Variants in FMNL2 observed in about 807,000 individuals in gnomAD.
The protein encoded by FMNL2 is formin-like protein 2.
In FMNL2, 51 loss-of-function variants were observed where a neutral mutation model predicts 130.2. That is an observed-to-expected ratio of 0.39 (90% CI 0.31 to 0.49). FMNL2 has a LOEUF of 0.49. FMNL2 is among the 20% of genes least tolerant of loss of function. The probability of loss-of-function intolerance (pLI) is 0.85; values close to 1 mark genes in which losing one functional copy is unlikely to be tolerated. For missense variants in FMNL2, 977 were observed against 1,316.2 expected, an observed-to-expected ratio of 0.74 and a Z score of 3.99; for synonymous variants, 465 against 467.1, an observed-to-expected ratio of 1.00 and a Z score of 0.06.
rs1580088734 is a variant in FMNL2 at position 152,609,335 on chromosome 2, A to G, written c.951+1922A>G. On this transcript the variant is annotated intron_variant, in intron 10 of 25. Coordinates refer to ENST00000288670, the MANE Select transcript of FMNL2 (RefSeq NM_052905.4). ...ATTTAGACCTGTTTTCCGAAGAGAA[A>G]TGGAAAGATGCCAGAATCTAACCAT... Among the ~76,000 whole-genome samples, 3 of 152,368 alleles carry G rather than the reference A, an allele frequency of 2.0e-5. No homozygotes were observed. The East Asian group carries it at 5.8e-4, about 29-fold the overall frequency.
At chr2:152,532,553 A>G (rs952280588) in intron 2 of FMNL2, among the ~76,000 whole-genome samples, 4 of 150,788 alleles carry the variant, frequency 2.7e-5, no homozygotes, top group African/African-American at 7.3e-5. Flanking sequence ...ACATTTGTAT[A>G]TCTTTGTTGA....
intron 1 of FMNL2, among the ~76,000 whole-genome samples, chr2:152,497,894 G>C (rs1691601200): frequency 6.6e-6 from 1 of 152,168 alleles, no homozygotes; most frequent in African/African-American, 2.4e-5. Flanking sequence ...CAAGCTAACT[G>C]GTTGTTGGCA....
chr2:152,638,609 G>A (rs1321508190), intron 23 of FMNL2, among the ~76,000 whole-genome samples: 2 of 152,206 alleles, frequency 1.3e-5, no homozygotes, highest in African/African-American at 2.4e-5. Context: ...TAATGTAGCA[G>A]TAGAGCTATA....
chr2:152,380,607 C>A (rs1037891252), intron 1 of FMNL2, among the ~76,000 whole-genome samples: 1 of 152,204 alleles, frequency 6.6e-6, no homozygotes, highest in Non-Finnish European at 1.5e-5. Flanking sequence ...CTAGAATGCC[C>A]TTTTTCCTTG....
At chr2:152,422,797 G>A (rs1209225776) in intron 1 of FMNL2, among the ~76,000 whole-genome samples, 1 of 152,138 alleles carries the variant, frequency 6.6e-6, no homozygotes, top group Non-Finnish European at 1.5e-5. Flanking sequence ...TAAAGTACTG[G>A]GATTACAGGC....
rs1353811947 is a variant in FMNL2 at position 152,589,971 on chromosome 2, A to ATG, written c.876+8923_876+8924insGT. Among the ~76,000 whole-genome samples, 111 of 48,336 alleles carry ATG rather than the reference A, an allele frequency of 2.3e-3. 1 individual carries two copies. Among genetic ancestry groups the ATG allele is most frequent in the African/African-American group, 6.8e-3 (65 of 9,580 alleles). The allele number at this position is 48,336 out of a possible 152,430, so 31.7% of individuals were successfully genotyped here. A position where few individuals can be genotyped will look rare whatever the true frequency, so the allele number is the denominator to read the frequency against. On this transcript the variant is annotated intron_variant, in intron 9 of 25. Transcript: ENST00000288670. The stretch of plus-strand genomic sequence containing the variant: ...TATATATATATATATATATATATAT[A>ATG]TATATATATATATGTATATGTATAT...
intron 20 of FMNL2, among the ~76,000 whole-genome samples, chr2:152,630,476 C>A (rs1339946640): frequency 6.6e-6 from 1 of 152,112 alleles, no homozygotes; most frequent in Non-Finnish European, 1.5e-5. Flanking sequence ...GTTGTTGTTG[C>A]ATGCAGGGTG....
At chr2:152,359,841 G>A (rs1373173608) in intron 1 of FMNL2, among the ~76,000 whole-genome samples, 1 of 152,118 alleles carries the variant, frequency 6.6e-6, no homozygotes, top group Non-Finnish European at 1.5e-5. Flanking sequence ...ACTGTGCGAT[G>A]TTTCATGTGT....
At chr2:152,418,651 G>C (rs1391855436) in intron 1 of FMNL2, among the ~76,000 whole-genome samples, 1 of 152,154 alleles carries the variant, frequency 6.6e-6, no homozygotes, top group Non-Finnish European at 1.5e-5. Flanking sequence ...TTTTAAGGCT[G>C]AACAGTAATA....
chr2:152,601,312 T>TG (rs1360086580), intron 9 of FMNL2, among the ~76,000 whole-genome samples: 1 of 149,740 alleles, frequency 6.7e-6, no homozygotes, highest in East Asian at 1.9e-4. Context: ...TCTTTTTTTT[T>TG]TTTTTTGAGA....
At chr2:152,638,071 G>A (rs1350726071) in intron 23 of FMNL2, among the ~76,000 whole-genome samples, 2 of 152,200 alleles carry the variant, frequency 1.3e-5, no homozygotes, top group East Asian at 1.9e-4. Flanking sequence ...GTTAAGGAGA[G>A]CCTGCTTGTG....
chr2:152,545,266 G>A (rs1446616031), intron 3 of FMNL2, among the ~76,000 whole-genome samples: 2 of 152,166 alleles, frequency 1.3e-5, no homozygotes, highest in African/African-American at 4.8e-5. Flanking sequence ...CTGTATTATG[G>A]TGGGGGAGAA....
chr2:152,621,210 T>G (rs964404904), intron 15 of FMNL2: 1 of 870,808 alleles, frequency 1.1e-6, no homozygotes, highest in Non-Finnish European at 1.4e-6. Flanking sequence ...GGTATCTCAT[T>G]TGGGGCTGCT....
intron 25 of FMNL2, among the ~76,000 whole-genome samples, chr2:152,646,489 G>A (rs1023737054): frequency 6.6e-6 from 1 of 151,912 alleles, no homozygotes; most frequent in South Asian, 2.1e-4. Flanking sequence ...ACTGGGGCCC[G>A]GTTTTGCCAG....
intron 6 of FMNL2, among the ~76,000 whole-genome samples, chr2:152,561,947 T>C (rs1695555649): frequency 6.6e-6 from 1 of 152,190 alleles, no homozygotes; most frequent in African/African-American, 2.4e-5. Flanking sequence ...AGTACCATGC[T>C]AAGGGAGGAT....
chr2:152,519,402 C>G lies in FMNL2; in HGVS notation c.118-2541C>G, dbSNP rs60680957. On this transcript the variant is annotated intron_variant, in intron 1 of 25. Transcript: ENST00000288670. Reference sequence around the variant, plus strand: ...CCATAAACATTTGTTGAACGAAAGACTCTTTAATCAAAATAAGAGTTAGTC... The same window carrying G: ...CCATAAACATTTGTTGAACGAAAGAGTCTTTAATCAAAATAAGAGTTAGTC... 8.1e-3 allele frequency among the ~76,000 whole-genome samples: 1,237 copies of G among 152,284 alleles called. 17 individuals are homozygous for G. Among genetic ancestry groups the G allele is most frequent in the African/African-American group, 0.028 (1,164 of 41,542 alleles).
At chr2:152,627,558 T>TG (rs767132378) in intron 17 of FMNL2, among the ~76,000 whole-genome samples, 3 of 152,258 alleles carry the variant, frequency 2.0e-5, no homozygotes, top group Non-Finnish European at 4.4e-5. Flanking sequence ...TCCTACAGTC[T>TG]GTTCTGATTT....
chr2:152,616,816 G>C (rs1224927854), intron 12 of FMNL2, among the ~76,000 whole-genome samples: 1 of 152,098 alleles, frequency 6.6e-6, no homozygotes, highest in Non-Finnish European at 1.5e-5. Context: ...ACCCTTGCTA[G>C]CCCCTGCAGA....
intron 9 of FMNL2, among the ~76,000 whole-genome samples, chr2:152,590,008 T>TGTATATGTATATATATAC (rs1697335458): frequency 2.3e-5 from 2 of 86,832 alleles, no homozygotes; most frequent in Admixed American, 2.4e-4. Flanking sequence ...TATATATATA[T>TGTATATGTATATATATAC]ACATATACAT....
Sources: gnomAD v4.1 joint callset for allele counts (sites outside exome capture counted in the v4.1 genomes callset) on GRCh38, gnomAD v4.1.1 for gene constraint, MANE v1.5 for transcripts, NCBI Gene and HGNC (gene_info 2026-07-23, HGNC 2026-07-21) for gene names.